XCR1: variants seen among roughly 807,000 people sequenced by gnomAD.
The protein encoded by XCR1 is X-C motif chemokine receptor 1.
For missense variants in XCR1, 356 were observed against 424.2 expected, an observed-to-expected ratio of 0.84 and a Z score of 1.41; for synonymous variants, 187 against 188.5, an observed-to-expected ratio of 0.99 and a Z score of 0.06.
intron 1 of XCR1, 77 bp from the exon 2 acceptor site, chr3:46,022,055 T>C: frequency 7.7e-7 from 1 of 1,306,868 alleles, no homozygotes; most frequent in Non-Finnish European, 1.1e-6. Context: ...TCCTAGCACT[T>C]TGGAAAGGCC....
intron 4 of XCR1, among the ~76,000 whole-genome samples, chr3:46,065,112 A>G (rs1427712054): frequency 6.6e-6 from 1 of 152,142 alleles, no homozygotes; most frequent in African/African-American, 2.4e-5. Context: ...AGAAATAAAA[A>G]AAAAGGAAAA....
chr3:46,075,404 T>C lies in XCR1; in HGVS notation c.-327-689A>G, dbSNP rs1431647176. ...ACACAAATTAACTCAAATTGGATCA[T>C]TGATATAAATGTAATGGATAAACTA... On this transcript the variant is annotated intron_variant, in intron 2 of 5. Coordinates refer to the XCR1 transcript ENST00000683768. Among the ~76,000 whole-genome samples the C allele has an allele frequency of 4.0e-5, 6 of 150,924 alleles. No individual in the cohort carries two copies. In the East Asian group the frequency reaches 9.7e-4, roughly 24 times the overall value.
At chr3:46,053,361 C>T (rs116692426) in intron 5 of XCR1, among the ~76,000 whole-genome samples, 50,566 of 135,986 alleles carry the variant, frequency 0.37, 10,558 homozygotes, top group South Asian at 0.53. Context: ...CCAGCCATGG[C>T]AGCAGAACGT....
intron 2 of XCR1, among the ~76,000 whole-genome samples, chr3:46,076,666 C>T (rs956270549): frequency 1.3e-5 from 2 of 151,554 alleles, no homozygotes; most frequent in African/African-American, 4.9e-5. Flanking sequence ...TCACATATTT[C>T]CCTGGGAAGG....
At chr3:46,023,884 A>G in intron 1 of XCR1, 1 of 1,513,964 alleles carries the variant, frequency 6.6e-7, no homozygotes, top group South Asian at 1.1e-5. Context: ...GAAAGAAAAT[A>G]ACTAAAGGCT....
chr3:46,042,993 C>A (rs569225304), intron 5 of XCR1, among the ~76,000 whole-genome samples: 1 of 151,920 alleles, frequency 6.6e-6, no homozygotes, highest in East Asian at 1.9e-4. Flanking sequence ...AGATTTATCC[C>A]TGAATGCAAG....
intron 4 of XCR1, among the ~76,000 whole-genome samples, chr3:46,061,835 A>C (rs1472849002): frequency 6.6e-6 from 1 of 152,098 alleles, no homozygotes; most frequent in Non-Finnish European, 1.5e-5. Context: ...TGACTGAGAA[A>C]GCCCCAGGTG....
chr3:46,039,814 T>C (rs34438204), intron 5 of XCR1, among the ~76,000 whole-genome samples: 13,716 of 152,186 alleles, frequency 0.09, 1,004 homozygotes, highest in South Asian at 0.34. Flanking sequence ...AGTATAGAGT[T>C]TTTCTATAAA....
intron 5 of XCR1, among the ~76,000 whole-genome samples, chr3:46,052,080 C>T (rs974877085): frequency 1.3e-5 from 2 of 152,062 alleles, no homozygotes; most frequent in Admixed American, 1.3e-4. Context: ...CCAGAGTCAA[C>T]AACTCCTGGG....
At position 46,074,099 on chromosome 3, in the gene XCR1, G is replaced by A. The variant is rs530522361; in HGVS notation, c.-263+552C>T. 4.0e-5 allele frequency among the ~76,000 whole-genome samples: 6 copies of A among 151,188 alleles called. No homozygotes were observed. The South Asian group carries it at 6.3e-4, about 16-fold the overall frequency. ...TATCTACCCAAAGGAAAAGAAAATAGTTATATCAGAGATAACTTGCACATG... is the reference window on the plus strand; with the variant it reads ...TATCTACCCAAAGGAAAAGAAAATAATTATATCAGAGATAACTTGCACATG... On this transcript the variant is annotated intron_variant, in intron 3 of 5. Transcript: ENST00000683768.
At chr3:46,053,446 C>T (rs961649698) in intron 5 of XCR1, among the ~76,000 whole-genome samples, 4 of 151,824 alleles carry the variant, frequency 2.6e-5, no homozygotes, top group African/African-American at 9.7e-5. Context: ...CTGGAGGGGG[C>T]GGTATAGGCC....
At chr3:46,029,060 T>A (rs914176296), upstream of XCR1, among the ~76,000 whole-genome samples, 12 of 152,234 alleles carry the variant, frequency 7.9e-5, no homozygotes, top group Admixed American at 7.9e-4. Context: ...TATCCTTATG[T>A]CAGTACCATA....
chr3:46,042,138 G>A (rs114924269), intron 5 of XCR1, among the ~76,000 whole-genome samples: 133 of 152,258 alleles, frequency 8.7e-4, no homozygotes, highest in African/African-American at 3.0e-3. Flanking sequence ...AAAGAAAAAC[G>A]CATGTCAAAA....
At chr3:46,056,886 C>G (rs1043906217) in intron 4 of XCR1, among the ~76,000 whole-genome samples, 28 of 152,208 alleles carry the variant, frequency 1.8e-4, no homozygotes, top group African/African-American at 5.8e-4. Flanking sequence ...AAACAATTTC[C>G]GTGCAAACAT....
intron 1 of XCR1, among the ~76,000 whole-genome samples, chr3:46,080,568 A>G (rs1055276581): frequency 6.6e-6 from 1 of 152,138 alleles, no homozygotes; most frequent in African/African-American, 2.4e-5. Context: ...TCTCAAAAAC[A>G]AAAACAACAA....
chr3:46,022,899 T>C (rs560155745), intron 1 of XCR1, among the ~76,000 whole-genome samples: 54 of 139,986 alleles, frequency 3.9e-4, no homozygotes, highest in Non-Finnish European at 8.5e-4. Flanking sequence ...TGTTGGAATT[T>C]GTAAATATGT....
chr3:46,060,387 A>T (rs1399709159), intron 4 of XCR1, among the ~76,000 whole-genome samples: 1 of 152,194 alleles, frequency 6.6e-6, no homozygotes, highest in Non-Finnish European at 1.5e-5. Context: ...GCCCTAAGGA[A>T]TCTCTTGTAT....
intron 1 of XCR1, 57 bp from the exon 2 acceptor site, chr3:46,022,035 A>G: frequency 6.9e-7 from 1 of 1,447,504 alleles, no homozygotes; most frequent in Non-Finnish European, 9.4e-7. Flanking sequence ...ACAGTGGCTA[A>G]CACCTGTAAT....
At chr3:46,052,326 G>C (rs184963316) in intron 5 of XCR1, among the ~76,000 whole-genome samples, 22 of 152,268 alleles carry the variant, frequency 1.4e-4, no homozygotes. Flanking sequence ...TCTGGGCTGG[G>C]GATGCCCTGA....
Sources: gnomAD v4.1 joint callset for allele counts (sites outside exome capture counted in the v4.1 genomes callset) on GRCh38, gnomAD v4.1.1 for gene constraint, MANE v1.5 for transcripts, NCBI Gene and HGNC (gene_info 2026-07-23, HGNC 2026-07-21) for gene names.